The following UBE2E2 variants were observed in gnomAD, a reference collection of about 807,000 sequenced individuals.
UBE2E2 encodes the protein ubiquitin conjugating enzyme E2 E2, also known as ubiquitin-conjugating enzyme E2 E2.
UBE2E2 carries 6 observed loss-of-function variants against 24.7 expected under a neutral mutation model. The observed-to-expected ratio is 0.24, with a 90% CI of 0.13 to 0.48. The LOEUF is 0.48. Among genes scored for constraint, UBE2E2 ranks in the 20% least tolerant of loss-of-function variants. The probability of loss-of-function intolerance (pLI) is 0.99; values close to 1 mark genes in which losing one functional copy is unlikely to be tolerated. For missense variants in UBE2E2, 169 were observed against 245.0 expected, an observed-to-expected ratio of 0.69 and a Z score of 2.07; for synonymous variants, 104 against 83.6, an observed-to-expected ratio of 1.24 and a Z score of -1.33.
intron 3 of UBE2E2, among the ~76,000 whole-genome samples, chr3:23,252,481 CAA>C (rs1344241899): frequency 3.3e-5 from 5 of 151,972 alleles, no homozygotes; most frequent in Non-Finnish European, 5.9e-5. Flanking sequence ...TAAAACAAAA[CAA>C]GATTAAAAAA....
intron 3 of UBE2E2, among the ~76,000 whole-genome samples, chr3:23,375,554 G>A (rs1185059456): frequency 6.6e-6 from 1 of 152,154 alleles, no homozygotes; most frequent in Non-Finnish European, 1.5e-5. Flanking sequence ...ATATGTTGTG[G>A]TTAAATGTTT....
intron 1 of UBE2E2, among the ~76,000 whole-genome samples, chr3:23,205,635 T>C (rs1166707681): frequency 1.3e-5 from 2 of 152,212 alleles, no homozygotes; most frequent in Non-Finnish European, 2.9e-5. Flanking sequence ...CTATAGTGGT[T>C]ATCAATGGCC....
intron 3 of UBE2E2, among the ~76,000 whole-genome samples, chr3:23,306,678 G>T (rs988311862): frequency 1.3e-5 from 2 of 152,088 alleles, no homozygotes; most frequent in African/African-American, 4.8e-5. Context: ...ACTCCTCCTG[G>T]TTGGCTTTCT....
intron 3 of UBE2E2, among the ~76,000 whole-genome samples, chr3:23,433,855 A>G (rs1559382431): frequency 6.6e-6 from 1 of 152,082 alleles, no homozygotes; most frequent in African/African-American, 2.4e-5. Context: ...AAGATGTAAA[A>G]TACGGGAATA....
intron 2 of UBE2E2, among the ~76,000 whole-genome samples, chr3:23,210,721 A>G (rs2125317384): frequency 6.6e-6 from 1 of 152,272 alleles, no homozygotes; most frequent in Non-Finnish European, 1.5e-5. Flanking sequence ...AAGTGGTTGT[A>G]TTGCATTGGT....
intron 3 of UBE2E2, among the ~76,000 whole-genome samples, chr3:23,485,125 C>G (rs377552149): frequency 7.9e-6 from 1 of 126,974 alleles, no homozygotes; most frequent in South Asian, 2.5e-4. Context: ...GATGGAGTCT[C>G]GTTCTGTGAC....
intron 3 of UBE2E2, among the ~76,000 whole-genome samples, chr3:23,376,803 A>G (rs139606480): frequency 6.7e-4 from 102 of 152,280 alleles, no homozygotes; most frequent in Middle Eastern, 3.4e-3. Flanking sequence ...GTGTCTGTCA[A>G]ACTCTTAGTT....
At position 23,570,634 on chromosome 3, in the gene UBE2E2, T is replaced by C. The variant is rs77195058; in HGVS notation, c.509-19100T>C. ...TGATTCTTCCAGAAAGGCATTGATA[T>C]TTGCCAAACTCTTTCCTGTGTATTC... is the stretch of plus-strand genomic sequence containing the variant. On this transcript the variant is annotated intron_variant, in intron 5 of 5. Coordinates refer to ENST00000396703, the MANE Select transcript of UBE2E2 (RefSeq NM_152653.4). 7.2e-4 allele frequency among the ~76,000 whole-genome samples: 109 copies of C among 152,316 alleles called. 5 individuals are homozygous for C. The East Asian group carries it at 0.015, about 21-fold the overall frequency.
intron 5 of UBE2E2, among the ~76,000 whole-genome samples, chr3:23,574,302 T>A (rs1696294629): frequency 6.6e-6 from 1 of 152,190 alleles, no homozygotes; most frequent in Admixed American, 6.5e-5. Flanking sequence ...GAAAAAGACC[T>A]AGTGTTTGCT....
intron 3 of UBE2E2, among the ~76,000 whole-genome samples, chr3:23,418,195 C>T (rs954988490): frequency 3.9e-5 from 6 of 152,170 alleles, no homozygotes; most frequent in Admixed American, 3.3e-4. Flanking sequence ...CGTAGGCACC[C>T]GAGGGAATCT....
intron 3 of UBE2E2, among the ~76,000 whole-genome samples, chr3:23,402,940 T>C (rs139300472): frequency 6.6e-6 from 1 of 152,276 alleles, no homozygotes; most frequent in East Asian, 1.9e-4. Context: ...TTGACATCCT[T>C]TGACATACCT....
chr3:23,575,922 G>A (rs538220075), intron 5 of UBE2E2, among the ~76,000 whole-genome samples: 1 of 152,264 alleles, frequency 6.6e-6, no homozygotes, highest in African/African-American at 2.4e-5. Context: ...AATGTGCTAA[G>A]TCAATATGTG....
chr3:23,339,407 A>G (rs1209911204), intron 3 of UBE2E2, among the ~76,000 whole-genome samples: 4 of 152,296 alleles, frequency 2.6e-5, no homozygotes, highest in East Asian at 1.9e-4. Context: ...ATCAGTTAAT[A>G]GAATAATATC....
At chr3:23,546,650 T>G (rs1453787085) in intron 5 of UBE2E2, among the ~76,000 whole-genome samples, 2 of 151,540 alleles carry the variant, frequency 1.3e-5, no homozygotes, top group African/African-American at 2.4e-5. Context: ...ATTTTGTATT[T>G]TTAGTAGAGG....
intron 3 of UBE2E2, among the ~76,000 whole-genome samples, chr3:23,252,488 A>T (rs537241048): frequency 2.0e-5 from 3 of 152,218 alleles, no homozygotes; most frequent in Non-Finnish European, 2.9e-5. Context: ...AAACAAGATT[A>T]AAAAAAATTT....
intron 3 of UBE2E2, among the ~76,000 whole-genome samples, chr3:23,440,198 CAG>C (rs1156996596): frequency 6.6e-6 from 1 of 152,118 alleles, no homozygotes; most frequent in Admixed American, 6.5e-5. Context: ...CGCTTGAACT[CAG>C]GGGTCGGAGG....
At chr3:23,218,194 A>G (rs1696531414) in intron 3 of UBE2E2, among the ~76,000 whole-genome samples, 1 of 152,112 alleles carries the variant, frequency 6.6e-6, no homozygotes, top group Non-Finnish European at 1.5e-5. Flanking sequence ...TCTTACTTTT[A>G]TGTAAAAACA....
intron 3 of UBE2E2, among the ~76,000 whole-genome samples, chr3:23,278,220 A>G (rs1432089943): frequency 1.3e-5 from 2 of 152,138 alleles, no homozygotes; most frequent in Non-Finnish European, 2.9e-5. Context: ...TAATTAAGTT[A>G]TGTATGTATG....
At position 23,563,339 on chromosome 3, in the gene UBE2E2, T is replaced by C. The variant is rs375205486; in HGVS notation, c.509-26395T>C. Reference sequence around the variant, plus strand: ...CATTTTGTTATGTACCCAGTAGTGATTCAGGAGCGGGTTGTTCAGTTTCCA... The same window carrying C: ...CATTTTGTTATGTACCCAGTAGTGACTCAGGAGCGGGTTGTTCAGTTTCCA... On this transcript the variant is annotated intron_variant, in intron 5 of 5. Transcript: ENST00000396703. Among the ~76,000 whole-genome samples, 5 of 152,348 alleles carry C rather than the reference T, an allele frequency of 3.3e-5. No individual in the cohort carries two copies. In the East Asian group the frequency reaches 7.7e-4, roughly 23 times the overall value.
Sources: allele counts gnomAD v4.1 joint callset (sites outside exome capture counted in the v4.1 genomes callset), GRCh38; gene constraint gnomAD v4.1.1; transcripts MANE v1.5; gene names NCBI Gene and HGNC (gene_info 2026-07-23, HGNC 2026-07-21).